Variants in ROS1 observed in about 807,000 individuals in gnomAD.
ROS1 encodes proto-oncogene tyrosine-protein kinase ROS.
In ROS1, 263 loss-of-function variants were observed where a neutral mutation model predicts 273.5. That is an observed-to-expected ratio of 0.96 (90% CI 0.87 to 1.06). The LOEUF (loss-of-function observed/expected upper bound fraction) is 1.06, where lower values mean the gene tolerates loss of function less well. Among genes scored for constraint, ROS1 ranks in the 50% least tolerant of loss-of-function variants. The probability of loss-of-function intolerance (pLI) is 0.00; values close to 1 mark genes in which losing one functional copy is unlikely to be tolerated. For synonymous variants in ROS1, 1,008 were observed against 954.1 expected (o/e 1.06, Z -1.04); for missense variants, 2,833 against 2,751.1 (o/e 1.03, Z -0.67).
chr6:117,356,533 A>C, intron 26 of ROS1, 96 bp downstream of exon 26: 1 of 1,081,466 alleles, frequency 9.2e-7, no homozygotes, highest in Non-Finnish European at 1.3e-6. Flanking sequence ...TATCATGTGT[A>C]TATTTGAGTA....
intron 33 of ROS1, chr6:117,328,642 A>G: frequency 1.9e-6 from 1 of 524,766 alleles, no homozygotes; most frequent in Admixed American, 2.4e-5. Context: ...ACTTCTTAAA[A>G]GATGGTTTCA....
chr6:117,351,524 G>A (rs1029485029), intron 27 of ROS1, among the ~76,000 whole-genome samples: 25 of 152,146 alleles, frequency 1.6e-4, no homozygotes, highest in African/African-American at 4.3e-4. Context: ...GATGCCCCTC[G>A]AGTTTCTAAC....
intron 40 of ROS1, among the ~76,000 whole-genome samples, chr6:117,310,596 T>C (rs1775467140): frequency 6.6e-6 from 1 of 152,026 alleles, no homozygotes; most frequent in Non-Finnish European, 1.5e-5. Context: ...CCTGTGTCCA[T>C]GTGTTCTCAT....
In ROS1 at chr6:117,310,194, T is replaced by A. The variant is rs2128548393; in HGVS notation, c.6303A>T (p.Arg2101Ser). 1 of 1,613,274 alleles carries A rather than the reference T, an allele frequency of 6.2e-7. No individual in the cohort carries two copies. The highest frequency in any genetic ancestry group is 8.5e-7 in the Non-Finnish European group (1 of 1,179,466). Residue 2101 changes from arginine to serine, a missense_variant, in exon 41 of 44, where the codon AGA becomes AGT. Arg to Ser is a moderately radical substitution (Grantham distance 110, BLOSUM62 -1). Coordinates refer to ENST00000368507, the MANE Select transcript of ROS1 (RefSeq NM_001378902.1). Reference protein sequence around the residue: ...IVKIGDFGLARDIYKNDYYRK... With the variant: ...IVKIGDFGLASDIYKNDYYRK... ...TATAGTAATCATTTTTATAGATGTCTCTGGCGAGTCCAAAGTCTCCAATCT... is the reference window on the plus strand; with the variant it reads ...TATAGTAATCATTTTTATAGATGTCACTGGCGAGTCCAAAGTCTCCAATCT...
In ROS1 at chr6:117,389,468, G is replaced by C. The variant is rs149258740; in HGVS notation, c.1668C>G (p.Ile556Met). ...GGTGCAGCTGGGAGGATGAGCCAAA[G>C]ATGACCAAGTTACCAAACCCAAATT... Reference protein sequence around the residue: ...IEEFGFGNLVIFGSSSQLHPL... With the variant: ...IEEFGFGNLVMFGSSSQLHPL... Residue 556 changes from isoleucine (I) to methionine (M), a missense_variant, in exon 13 of 44, where the codon ATC becomes ATG. Coordinates refer to ENST00000368507, the MANE Select transcript of ROS1 (RefSeq NM_001378902.1). 6.2e-7 allele frequency: 1 copy of C among 1,614,178 alleles called. No individual in the cohort carries two copies. Among genetic ancestry groups the C allele is most frequent in the East Asian group, 2.2e-5 (1 of 44,874 alleles).
At chr6:117,327,221 G>A (rs565127521) in intron 33 of ROS1, among the ~76,000 whole-genome samples, 2 of 152,292 alleles carry the variant, frequency 1.3e-5, no homozygotes, top group South Asian at 4.1e-4. Context: ...GAGAGTGAAG[G>A]CTGGCCCTCA....
Position 117,357,982 on chromosome 6 carries a change from T to G in ROS1, c.3661A>C (p.Ile1221Leu). The G allele has an allele frequency of 6.2e-7, 1 of 1,613,362 alleles. No homozygotes were observed. Among genetic ancestry groups the G allele is most frequent in the Non-Finnish European group, 8.5e-7 (1 of 1,179,594 alleles). Residue 1221 changes from isoleucine to leucine, a missense_variant, in exon 25 of 44, where the codon ATC becomes CTC. Transcript: ENST00000368507. ...ATCCAGTCAATTGTAATAACTGTGA[T>G]ATCAAAAACCAGTGAATCTTGGAAA... ...ELFQDSLVFD[I>L]TVITIDWISR...
chr6:117,385,222 T>C (rs913302017), intron 16 of ROS1, among the ~76,000 whole-genome samples: 6 of 152,196 alleles, frequency 3.9e-5, no homozygotes, highest in African/African-American at 9.6e-5. Context: ...ATTCAACAAA[T>C]AGTGATAACA....
At chr6:117,416,179 T>C (rs1006909227) in intron 3 of ROS1, 79 bp downstream of exon 3, 20 of 883,928 alleles carry the variant, frequency 2.3e-5, no homozygotes, top group Non-Finnish European at 3.8e-5. Flanking sequence ...CCAATGGAAA[T>C]GCAAATGGGA....
At chr6:117,339,095 T>C (rs1777703441) in intron 31 of ROS1, among the ~76,000 whole-genome samples, 2 of 152,182 alleles carry the variant, frequency 1.3e-5, no homozygotes, top group African/African-American at 4.8e-5. Context: ...GAATTTAAGA[T>C]CTAGATCAAG....
chr6:117,400,990 A>C (rs1773887413), intron 7 of ROS1, among the ~76,000 whole-genome samples: 1 of 152,188 alleles, frequency 6.6e-6, no homozygotes, highest in East Asian at 1.9e-4. Flanking sequence ...TGACGATTTT[A>C]TCTAGGAAAG....
chr6:117,335,184 T>C (rs1186079668), intron 32 of ROS1, among the ~76,000 whole-genome samples: 1 of 151,954 alleles, frequency 6.6e-6, no homozygotes, highest in African/African-American at 2.4e-5. Flanking sequence ...GGGCAAAAGA[T>C]ATGAACAGAC....
At chr6:117,377,104 A>T (rs1781393740) in intron 18 of ROS1, among the ~76,000 whole-genome samples, 1 of 152,132 alleles carries the variant, frequency 6.6e-6, no homozygotes, top group South Asian at 2.1e-4. Context: ...ACACATACAC[A>T]GTCAAATTAT....
intron 18 of ROS1, among the ~76,000 whole-genome samples, chr6:117,372,255 GACA>G (rs911250307): frequency 5.3e-5 from 8 of 152,076 alleles, no homozygotes; most frequent in Admixed American, 1.3e-4. Flanking sequence ...AGAGCAAGCA[GACA>G]ACAAAAAGAA....
rs1374376426 is a variant in ROS1, at chr6:117,366,187, A to G, written c.2686T>C (p.Phe896Leu). The part of the protein sequence containing the change: ...YSGRLFWING[F>L]RIITTQEIGQ... ...ATTTCTTGAGTTGTGATAATCCTAA[A>G]GCCATTGATCCAGAACAGCCGACCA... The change falls in exon 19 of 44, where the codon TTT becomes CTT. Residue 896 changes from phenylalanine to leucine, a missense_variant. By Grantham distance (22) the Phe-to-Leu change is conservative. Transcript: ENST00000368507. 1 of 1,614,004 alleles carries G rather than the reference A, an allele frequency of 6.2e-7. No individual in the cohort carries two copies. Among genetic ancestry groups the G allele is most frequent in the Non-Finnish European group, 8.5e-7 (1 of 1,179,986 alleles).
chr6:117,398,212 T>C (rs774106081), intron 7 of ROS1, among the ~76,000 whole-genome samples: 6 of 152,094 alleles, frequency 3.9e-5, no homozygotes, highest in African/African-American at 1.2e-4. Flanking sequence ...TCTTCCACCA[T>C]TGAAGCAAGT....
At chr6:117,309,037 T>G (rs1183034986) in intron 41 of ROS1, 109 bp from the exon 42 acceptor site, 2 of 1,063,546 alleles carry the variant, frequency 1.9e-6, no homozygotes. Flanking sequence ...ACTTTGTCAG[T>G]GTATTATTGG....
chr6:117,383,522 T>G lies in ROS1; in HGVS notation c.2290-14A>C, dbSNP rs1359392220. On this transcript the variant is annotated splice_polypyrimidine_tract_variant and intron_variant, in intron 16 of 43. Coordinates refer to ENST00000368507, the MANE Select transcript of ROS1 (RefSeq NM_001378902.1). The stretch of plus-strand genomic sequence containing the variant: ...CTGCCTTTGTATCTAAAAAACATAA[T>G]TGTATGGCCAGTTAATGGCTTTCAA... 1.3e-6 allele frequency: 2 copies of G among 1,596,424 alleles called. No individual in the cohort carries two copies. The highest frequency in any genetic ancestry group is 1.1e-5 in the South Asian group (1 of 90,654).
chr6:117,313,748 GA>G (rs1775711294), intron 39 of ROS1, among the ~76,000 whole-genome samples: 1 of 152,140 alleles, frequency 6.6e-6, no homozygotes, highest in Admixed American at 6.5e-5. Flanking sequence ...GGGAGAAAGA[GA>G]AAAAGGCCTC....
Sources: gnomAD v4.1 joint callset for allele counts (sites outside exome capture counted in the v4.1 genomes callset) on GRCh38, gnomAD v4.1.1 for gene constraint, MANE v1.5 for transcripts, NCBI Gene and HGNC (gene_info 2026-07-23, HGNC 2026-07-21) for gene names.